Variants in FRYL observed in about 807,000 individuals in gnomAD.
FRYL encodes the protein FRY like transcription coactivator.
A neutral mutation model predicts 351.2 loss-of-function variants in FRYL; 150 were observed. The observed-to-expected ratio is 0.43, with a 90% CI of 0.37 to 0.49. The LOEUF (loss-of-function observed/expected upper bound fraction) is 0.49. FRYL is among the 20% of genes least tolerant of loss of function. The pLI is 0.00. For synonymous variants in FRYL, 1,153 were observed against 1,257.1 expected (o/e 0.92, Z 1.75); for missense variants, 3,036 against 3,619.3 (o/e 0.84, Z 4.13).
intron 1 of FRYL, chr4:48,727,434 A>T (rs1475786824): frequency 6.6e-6 from 1 of 152,284 alleles, no homozygotes; most frequent in Non-Finnish European, 1.5e-5. Context: ...AACTTACCAT[A>T]GTAGAAACCC....
chr4:48,537,609 G>C (rs1030935118), intron 47 of FRYL, among the ~76,000 whole-genome samples: 7 of 152,216 alleles, frequency 4.6e-5, no homozygotes, highest in Non-Finnish European at 8.8e-5. Flanking sequence ...GTTGCTAAAA[G>C]CATACGGAGA....
intron 3 of FRYL, among the ~76,000 whole-genome samples, chr4:48,667,334 C>CA (rs1363105523): frequency 2.0e-5 from 3 of 151,924 alleles, no homozygotes; most frequent in Non-Finnish European, 2.9e-5. Flanking sequence ...ATACTGGGCA[C>CA]ATACAGGAAA....
chr4:48,611,366 T>C (rs1748159680), intron 7 of FRYL, among the ~76,000 whole-genome samples: 1 of 152,220 alleles, frequency 6.6e-6, no homozygotes, highest in Non-Finnish European at 1.5e-5. Context: ...CTACCAGATG[T>C]ATATATTTAT....
At chr4:48,535,063 CAAATAGATATT>C (rs1239158226) in intron 48 of FRYL, among the ~76,000 whole-genome samples, 1 of 152,080 alleles carries the variant, frequency 6.6e-6, no homozygotes, top group Non-Finnish European at 1.5e-5. Flanking sequence ...TCTTAGGCAT[CAAATAGATATT>C]AACTTTTTGT....
Position 48,540,943 on chromosome 4 carries a change from G to A in FRYL, c.5705C>T (p.Pro1902Leu). The A allele has an allele frequency of 1.3e-6, 2 of 1,594,990 alleles. No homozygotes were observed. Among genetic ancestry groups the A allele is most frequent in the South Asian group, 2.2e-5 (2 of 89,232 alleles). Reference protein sequence around the residue: ...SALSQTSYHDPIMGNKYAANR... With the variant: ...SALSQTSYHDLIMGNKYAANR... ...AGCTGCATACTTGTTTCCCATTATA[G>A]GATCATGATATGAGGTTCTTAAAAA... is the stretch of plus-strand genomic sequence containing the variant. The change falls in exon 46 of 64, where the codon CCT (proline) becomes CTT (leucine). Residue 1902 changes from proline to leucine, a missense_variant. Coordinates refer to ENST00000358350, the MANE Select transcript of FRYL (RefSeq NM_015030.2).
At chr4:48,613,693 C>T (rs1383778998) in intron 7 of FRYL, among the ~76,000 whole-genome samples, 3 of 152,166 alleles carry the variant, frequency 2.0e-5, no homozygotes, top group Admixed American at 6.5e-5. Flanking sequence ...CAGTGGCTCA[C>T]GCCTGTAATC....
At chr4:48,583,380 T>C (rs1741344577) in intron 19 of FRYL, among the ~76,000 whole-genome samples, 1 of 152,142 alleles carries the variant, frequency 6.6e-6, no homozygotes, top group Non-Finnish European at 1.5e-5. Context: ...CTGGATCTCC[T>C]GACCTCATGA....
intron 44 of FRYL, 98 bp downstream of exon 44, chr4:48,543,709 G>T: frequency 1.0e-6 from 1 of 979,084 alleles, no homozygotes; most frequent in Non-Finnish European, 1.5e-6. Flanking sequence ...AATTCTAGAT[G>T]CCCATTATCT....
chr4:48,516,657 A>C (rs1723684055), intron 55 of FRYL, among the ~76,000 whole-genome samples: 1 of 152,248 alleles, frequency 6.6e-6, no homozygotes, highest in South Asian at 2.1e-4. Flanking sequence ...TGTAAAACTC[A>C]TCTATAAAAT....
intron 33 of FRYL, among the ~76,000 whole-genome samples, chr4:48,559,312 AT>A (rs1734850443): frequency 6.6e-6 from 1 of 151,570 alleles, no homozygotes; most frequent in Non-Finnish European, 1.5e-5. Flanking sequence ...GTCTGTGGGT[AT>A]AGGGGTCACG....
At chr4:48,674,736 CAAAAAAAAA>C (rs58696045) in intron 3 of FRYL, among the ~76,000 whole-genome samples, 3 of 55,774 alleles carry the variant, frequency 5.4e-5, no homozygotes, top group African/African-American at 2.5e-4. Flanking sequence ...GACTCTGTCT[CAAAAAAAAA>C]AAAAAAAAAA....
chr4:48,615,671 G>C (rs1427708275), intron 7 of FRYL, among the ~76,000 whole-genome samples: 1 of 152,156 alleles, frequency 6.6e-6, no homozygotes, highest in African/African-American at 2.4e-5. Context: ...AATTAATTTT[G>C]TTTCCAAGGT....
chr4:48,528,298 A>G lies in FRYL; in HGVS notation c.6942T>C (p.Ser2314=), dbSNP rs1186496526. Residue 2314 remains serine (S), a synonymous_variant, in exon 51 of 64, where the codon AGT becomes AGC. Transcript: ENST00000358350. ...IIGNKYGDQH[S]AAGRNGKPKV... is the part of the protein sequence containing the mutation. Reference sequence around the variant, plus strand: ...TTGGTTTCCCATTTCTTCCAGCCGCACTGTGCTGATCACCATATTTGTTTC... The same window carrying G: ...TTGGTTTCCCATTTCTTCCAGCCGCGCTGTGCTGATCACCATATTTGTTTC... 2 of 1,613,370 alleles carry G rather than the reference A, an allele frequency of 1.2e-6. No homozygotes were observed. Among genetic ancestry groups the G allele is most frequent in the East Asian group, 4.5e-5 (2 of 44,848 alleles).
At chr4:48,726,710 C>A (rs973032927) in intron 1 of FRYL, among the ~76,000 whole-genome samples, 4 of 152,008 alleles carry the variant, frequency 2.6e-5, no homozygotes, top group African/African-American at 9.7e-5. Context: ...AAACAAAAAA[C>A]TTCCACAGAT....
chr4:48,580,507 C>T (rs1275849758), intron 22 of FRYL: 2 of 223,380 alleles, frequency 9.0e-6, no homozygotes, highest in Non-Finnish European at 1.7e-5. Context: ...TTGAGTATCA[C>T]CATTTTTTTC....
Position 48,527,582 on chromosome 4 carries a change from G to A in FRYL, c.7212C>T (p.Asp2404=), listed in dbSNP as rs1726527584. Reference sequence around the variant, plus strand: ...CAGCTACTTCTTCCTCTTGATTTATGTCTTCTGTTGTAGAAATTAGGCTAG... The same window carrying A: ...CAGCTACTTCTTCCTCTTGATTTATATCTTCTGTTGTAGAAATTAGGCTAG... The part of the protein sequence containing the change: ...QQTSLISTTE[D]INQEEEVAVE... Residue 2404 remains aspartate, a synonymous_variant, in exon 53 of 64, where the codon GAC becomes GAT. Transcript: ENST00000358350. 1 of 1,612,122 alleles carries A rather than the reference G, an allele frequency of 6.2e-7. No individual in the cohort carries two copies. Among genetic ancestry groups the A allele is most frequent in the Admixed American group, 1.7e-5 (1 of 59,864 alleles).
chr4:48,603,049 A>C (rs1387746693), intron 12 of FRYL, among the ~76,000 whole-genome samples: 1 of 152,220 alleles, frequency 6.6e-6, no homozygotes, highest in Non-Finnish European at 1.5e-5. Context: ...ATCATTAAGC[A>C]ATGCATGACT....
intron 55 of FRYL, among the ~76,000 whole-genome samples, chr4:48,519,888 C>T (rs564566625): frequency 6.6e-6 from 1 of 152,266 alleles, no homozygotes; most frequent in South Asian, 2.1e-4. Context: ...TGTGCACCAC[C>T]ACACCCAGCT....
chr4:48,565,284 G>GGA (rs1736523132), intron 29 of FRYL, among the ~76,000 whole-genome samples: 1 of 152,102 alleles, frequency 6.6e-6, no homozygotes, highest in African/African-American at 2.4e-5. Context: ...TTAAGTAAGG[G>GGA]AAAAAAGGCA....
Sources: gnomAD v4.1 joint callset for allele counts (sites outside exome capture counted in the v4.1 genomes callset) on GRCh38, gnomAD v4.1.1 for gene constraint, MANE v1.5 for transcripts, NCBI Gene and HGNC (gene_info 2026-07-23, HGNC 2026-07-21) for gene names.